SFMBT2: variants seen among roughly 807,000 people sequenced by gnomAD.
SFMBT2 encodes Scm like with four mbt domains 2, also known as scm-like with four MBT domains protein 2.
In SFMBT2, 38 loss-of-function variants were observed where a neutral mutation model predicts 110.1. That is an observed-to-expected ratio of 0.35 (90% confidence interval 0.27 to 0.45). The LOEUF (loss-of-function observed/expected upper bound fraction) is 0.45, where lower values mean the gene tolerates loss of function less well. SFMBT2 is among the 20% of genes least tolerant of loss of function. SFMBT2 has a pLI of 1.00. For missense variants in SFMBT2, 1,011 were observed against 1,094.9 expected (o/e 0.92, Z 1.08); for synonymous variants, 425 against 425.4 (o/e 1.00, Z 0.01).
chr10:7,385,824 C>T (rs920015909), intron 1 of SFMBT2, among the ~76,000 whole-genome samples: 1 of 152,040 alleles, frequency 6.6e-6, no homozygotes, highest in African/African-American at 2.4e-5. Context: ...ACGGTGAAAC[C>T]CCGTCTCTAC....
chr10:7,355,612 A>G (rs1418898550), intron 4 of SFMBT2, among the ~76,000 whole-genome samples: 1 of 152,196 alleles, frequency 6.6e-6, no homozygotes, highest in African/African-American at 2.4e-5. Context: ...GGAGTTCAAG[A>G]CCAGCCTGGC....
intron 1 of SFMBT2, among the ~76,000 whole-genome samples, chr10:7,386,163 C>T (rs899013975): frequency 2.6e-5 from 4 of 152,148 alleles, no homozygotes; most frequent in African/African-American, 9.7e-5. Flanking sequence ...TCAGGGACGG[C>T]TTCCCTGTGC....
intron 16 of SFMBT2, among the ~76,000 whole-genome samples, chr10:7,180,176 G>A (rs1306397734): frequency 1.3e-5 from 2 of 151,540 alleles, no homozygotes. Context: ...AGGCCAGAGT[G>A]CAATGGTGCA....
intron 4 of SFMBT2, among the ~76,000 whole-genome samples, chr10:7,315,044 G>GAAAGA (rs1364811021): frequency 9.1e-4 from 91 of 99,532 alleles, no homozygotes; most frequent in Middle Eastern, 4.8e-3. Context: ...GAAAGAGAAA[G>GAAAGA]AAAGAAAGAA....
intron 20 of SFMBT2, among the ~76,000 whole-genome samples, chr10:7,167,832 C>T (rs781661998): frequency 3.2e-4 from 49 of 152,096 alleles, no homozygotes; most frequent in Non-Finnish European, 5.3e-4. Context: ...ATTTTTCTCT[C>T]TCGTAAGAGA....
intron 1 of SFMBT2, among the ~76,000 whole-genome samples, chr10:7,384,592 G>A (rs1845535067): frequency 6.6e-6 from 1 of 152,032 alleles, no homozygotes; most frequent in Non-Finnish European, 1.5e-5. Flanking sequence ...CTTAGTTTCC[G>A]AAAGCTTAGC....
At chr10:7,357,170 G>A (rs535360072) in intron 4 of SFMBT2, among the ~76,000 whole-genome samples, 3 of 152,206 alleles carry the variant, frequency 2.0e-5, no homozygotes, top group Non-Finnish European at 2.9e-5. Context: ...TTAAGATGAC[G>A]CCAGGGGAGA....
At chr10:7,251,906 G>T (rs138459813) in intron 7 of SFMBT2, among the ~76,000 whole-genome samples, 1 of 152,092 alleles carries the variant, frequency 6.6e-6, no homozygotes, top group Non-Finnish European at 1.5e-5. Context: ...CTATCACCCC[G>T]GCTTTCCTGA....
intron 10 of SFMBT2, among the ~76,000 whole-genome samples, chr10:7,226,454 A>T (rs1158580102): frequency 6.6e-6 from 1 of 152,232 alleles, no homozygotes; most frequent in Non-Finnish European, 1.5e-5. Flanking sequence ...TCTAGAGTGC[A>T]ATGACAGTGT....
At chr10:7,320,755 G>T (rs1843161162) in intron 4 of SFMBT2, 1 of 214,812 alleles carries the variant, frequency 4.7e-6, no homozygotes, top group Non-Finnish European at 8.0e-6. Flanking sequence ...GGGTCTTTCA[G>T]ACCCTCCATG....
chr10:7,189,194 G>A (rs1012991666), intron 15 of SFMBT2: 2 of 985,218 alleles, frequency 2.0e-6, no homozygotes, highest in Non-Finnish European at 2.4e-6. Flanking sequence ...TGCTTGCAAG[G>A]AGGGTAACAA....
intron 1 of SFMBT2, among the ~76,000 whole-genome samples, chr10:7,383,735 T>C (rs182907265): frequency 5.6e-4 from 86 of 152,276 alleles, no homozygotes; most frequent in Middle Eastern, 6.8e-3. Context: ...TATCGCTCCC[T>C]CACTTTCTCA....
intron 4 of SFMBT2, among the ~76,000 whole-genome samples, chr10:7,304,702 G>A (rs893285567): frequency 6.6e-6 from 1 of 152,188 alleles, no homozygotes; most frequent in Admixed American, 6.5e-5. Flanking sequence ...GTCCATCAGA[G>A]AGAGAAATTC....
rs71515471 is a variant in SFMBT2, at chr10:7,346,988, T to TCAAAACAAAACAAAA, written c.436+20646_436+20660dup. Among the ~76,000 whole-genome samples the TCAAAACAAAACAAAA allele has an allele frequency of 5.1e-3, 761 of 150,372 alleles. 7 individuals are homozygous for TCAAAACAAAACAAAA. The highest frequency in any genetic ancestry group is 0.017 in the African/African-American group (689 of 40,558). On this transcript the variant is annotated intron_variant, in intron 4 of 20. Transcript: ENST00000397167. The stretch of plus-strand genomic sequence containing the variant: ...CTGGGCGACAAAACCAGACTCTGTC[T>TCAAAACAAAACAAAA]CAAAACAAAACAAAACAAAACAAAA...
chr10:7,251,743 A>G (rs1388272558), intron 7 of SFMBT2, among the ~76,000 whole-genome samples: 1 of 152,196 alleles, frequency 6.6e-6, no homozygotes, highest in African/African-American at 2.4e-5. Flanking sequence ...AGTGATGGCT[A>G]ACAGATGAAT....
chr10:7,251,347 G>GAA (rs1840803831), intron 7 of SFMBT2, among the ~76,000 whole-genome samples: 1 of 152,090 alleles, frequency 6.6e-6, no homozygotes, highest in Non-Finnish European at 1.5e-5. Context: ...GGTGGCAGAA[G>GAA]CCTGTAATCC....
chr10:7,307,422 C>T (rs1351964592), intron 4 of SFMBT2, among the ~76,000 whole-genome samples: 2 of 152,112 alleles, frequency 1.3e-5, no homozygotes, highest in Non-Finnish European at 2.9e-5. Flanking sequence ...AGGGACCCTG[C>T]CATACAGATG....
At chr10:7,281,218 C>T (rs1841941053) in intron 6 of SFMBT2, among the ~76,000 whole-genome samples, 1 of 152,110 alleles carries the variant, frequency 6.6e-6, no homozygotes, top group Non-Finnish European at 1.5e-5. Flanking sequence ...TGCACTCCAG[C>T]CTGGGAGACA....
chr10:7,285,788 G>A, intron 5 of SFMBT2, 78 bp downstream of exon 5: 3 of 792,634 alleles, frequency 3.8e-6, no homozygotes, highest in Non-Finnish European at 6.9e-6. Flanking sequence ...AAGGATATAT[G>A]CAAAGGTGCT....
Sources: allele counts gnomAD v4.1 joint callset (sites outside exome capture counted in the v4.1 genomes callset), GRCh38; gene constraint gnomAD v4.1.1; transcripts MANE v1.5; gene names NCBI Gene and HGNC (gene_info 2026-07-23, HGNC 2026-07-21).